FFAR4: variants seen among roughly 807,000 people sequenced by gnomAD.
The protein encoded by FFAR4 is free fatty acid receptor 4.
A neutral mutation model predicts 27.0 loss-of-function variants in FFAR4; 19 were observed. The ratio of observed to expected loss-of-function variants is 0.70; its 90% CI spans 0.49 to 1.03. FFAR4 has a LOEUF of 1.03. FFAR4 is among the 50% of genes least tolerant of loss of function. The pLI is 0.00. For missense variants in FFAR4, 476 were observed against 479.0 expected (o/e 0.99, Z 0.06); for synonymous variants, 254 against 215.6 (o/e 1.18, Z -1.56).
chr10:93,588,445 T>A lies in FFAR4; in HGVS notation c.*836T>A, dbSNP rs1042543515. 1.3e-5 allele frequency: 2 copies of A among 151,752 alleles called. No individual in the cohort carries two copies. The highest frequency in any genetic ancestry group is 3.9e-4 in the East Asian group (2 of 5,162). 9.4% of individuals were successfully genotyped at this position (151,752 alleles called of 1,614,324 possible). ...AATGCTATGGACCCTTTTAAGAGAA[T>A]CGGCATCATGAAATGAGAGAGAAAG... On this transcript the variant is annotated 3_prime_UTR_variant, in exon 3 of 3. Coordinates refer to ENST00000371481, the MANE Select transcript of FFAR4 (RefSeq NM_001195755.2).
At chr10:93,581,802 C>T (rs1430825381) in intron 2 of FFAR4, among the ~76,000 whole-genome samples, 1 of 152,200 alleles carries the variant, frequency 6.6e-6, no homozygotes, top group East Asian at 1.9e-4. Flanking sequence ...TGCATGTCAT[C>T]ATGTACTCGG....
intron 2 of FFAR4, among the ~76,000 whole-genome samples, chr10:93,582,269 G>C (rs2058202104): frequency 6.6e-6 from 1 of 152,034 alleles, no homozygotes; most frequent in African/African-American, 2.4e-5. Flanking sequence ...TCCAGGCCAG[G>C]TGCGGTGGCT....
intron 2 of FFAR4, among the ~76,000 whole-genome samples, chr10:93,578,281 G>A (rs1383615931): frequency 1.3e-5 from 2 of 152,114 alleles, no homozygotes; most frequent in East Asian, 3.9e-4. Context: ...GCCGGGCGTA[G>A]TGGTGGGCGT....
At position 93,567,274 on chromosome 10, in the gene FFAR4, C is replaced by G. The variant is rs1219203267; in HGVS notation, c.554C>G (p.Pro185Arg). The G allele has an allele frequency of 6.3e-7, 1 of 1,598,906 alleles. No individual in the cohort carries two copies. The highest frequency in any genetic ancestry group is 1.1e-5 in the South Asian group (1 of 90,908). The change falls in exon 1 of 3, where the codon CCC becomes CGC. Residue 185 changes from proline to arginine, a missense_variant. Physicochemically the swap from Pro to Arg is moderately radical, Grantham distance 103. Coordinates refer to ENST00000371481, the MANE Select transcript of FFAR4 (RefSeq NM_001195755.2). Reference protein sequence around the residue: ...VFFRVVPQRLPGADQEISICT... With the variant: ...VFFRVVPQRLRGADQEISICT... ...TTCCGAGTCGTCCCGCAACGGCTCC[C>G]CGGCGCCGACCAGGTGAGCGCCCCT...
chr10:93,581,252 C>T (rs1230835075), intron 2 of FFAR4, among the ~76,000 whole-genome samples: 5 of 152,240 alleles, frequency 3.3e-5, no homozygotes, highest in African/African-American at 1.2e-4. Flanking sequence ...GAAACAAAAT[C>T]TGTTTCCGCT....
rs961015299 is a variant in FFAR4, at chr10:93,587,881, T to C, written c.*272T>C. 6.2e-6 allele frequency: 2 copies of C among 321,046 alleles called. No homozygotes were observed. Among genetic ancestry groups the C allele is most frequent in the Non-Finnish European group, 1.2e-5 (2 of 170,710 alleles). The allele number at this position is 321,046 out of a possible 1,614,324, so 19.9% of individuals were successfully genotyped here. On this transcript the variant is annotated 3_prime_UTR_variant, in exon 3 of 3. Coordinates refer to ENST00000371481, the MANE Select transcript of FFAR4 (RefSeq NM_001195755.2). ...TGGGTGGATCACCTGAGGTCAGGAG[T>C]TCGAGACCAACCTGACCAACATGGT...
intron 2 of FFAR4, among the ~76,000 whole-genome samples, chr10:93,581,916 A>G (rs541067194): frequency 6.6e-6 from 1 of 152,230 alleles, no homozygotes; most frequent in Admixed American, 6.5e-5. Flanking sequence ...CCCCTACTTG[A>G]CTGTGAGGCT....
At chr10:93,573,746 C>A (rs992467116) in intron 1 of FFAR4, among the ~76,000 whole-genome samples, 1 of 152,136 alleles carries the variant, frequency 6.6e-6, no homozygotes, top group East Asian at 1.9e-4. Flanking sequence ...CTGCCCTGAG[C>A]AAGAGCCACA....
chr10:93,573,616 CA>C (rs1444912711), intron 1 of FFAR4, among the ~76,000 whole-genome samples: 1 of 152,198 alleles, frequency 6.6e-6, no homozygotes, highest in Non-Finnish European at 1.5e-5. Context: ...CAATACCATA[CA>C]AAACCTTCTA....
intron 1 of FFAR4, 94 bp downstream of exon 1, chr10:93,567,381 C>T (rs972379939): frequency 6.4e-6 from 7 of 1,092,836 alleles, no homozygotes; most frequent in Non-Finnish European, 9.1e-6. Flanking sequence ...TCAAGAACAA[C>T]AATAGCCATT....
In FFAR4 at chr10:93,579,297, G is replaced by A. The variant is rs544121022; in HGVS notation, c.696+3078G>A. On this transcript the variant is annotated intron_variant, in intron 2 of 2. Coordinates refer to ENST00000371481, the MANE Select transcript of FFAR4 (RefSeq NM_001195755.2). ...TCACCTTAAGGCCCTGTGTGGTCTG[G>A]CCCCGCTGCCGTTCTCACCTTCATA... is the stretch of plus-strand genomic sequence containing the variant. The A allele has an allele frequency of 7.0e-4, 787 of 1,118,606 alleles. 5 individuals are homozygous for A. The African/African-American group carries it at 9.0e-3, about 13-fold the overall frequency. 69.3% of individuals were successfully genotyped at this position (1,118,606 alleles called of 1,614,324 possible). A position where few individuals can be genotyped will look rare whatever the true frequency, so the allele number is the denominator to read the frequency against.
intron 1 of FFAR4, among the ~76,000 whole-genome samples, chr10:93,574,570 C>CCAG (rs1395222819): frequency 1.3e-5 from 2 of 152,090 alleles, no homozygotes; most frequent in Non-Finnish European, 2.9e-5. Context: ...AGCCTCACTG[C>CCAG]CAGTAATCAG....
At chr10:93,580,346 C>T (rs959868958) in intron 2 of FFAR4, among the ~76,000 whole-genome samples, 1 of 152,216 alleles carries the variant, frequency 6.6e-6, no homozygotes, top group Non-Finnish European at 1.5e-5. Context: ...CACTTCTCAC[C>T]TGTCACTAGT....
Position 93,576,150 on chromosome 10 carries a change from C to G in FFAR4, c.627C>G (p.Val209=), listed in dbSNP as rs1339352176. Residue 209 remains valine, a synonymous_variant, in exon 2 of 3, where the codon GTC becomes GTG. Coordinates refer to ENST00000371481, the MANE Select transcript of FFAR4 (RefSeq NM_001195755.2). ...TTCCTGGAGAGATCTCGTGGGATGT[C>G]TCTTTTGTTACTTTGAACTTCTTGG... is the stretch of plus-strand genomic sequence containing the variant. ...PTIPGEISWD[V]SFVTLNFLVP... 8 of 1,613,942 alleles carry G rather than the reference C, an allele frequency of 5.0e-6. No homozygotes were observed. The highest frequency in any genetic ancestry group is 6.8e-6 in the Non-Finnish European group (8 of 1,179,806).
chr10:93,569,231 T>G (rs1196173740), intron 1 of FFAR4, among the ~76,000 whole-genome samples: 1 of 152,252 alleles, frequency 6.6e-6, no homozygotes, highest in South Asian at 2.1e-4. Flanking sequence ...AGATAGAATG[T>G]ATCTTGAAGG....
Position 93,576,212 on chromosome 10 carries a change from T to C in FFAR4, c.689T>C (p.Ile230Thr), listed in dbSNP as rs766246101. The change falls in exon 2 of 3, where the codon ATT becomes ACT. Residue 230 changes from isoleucine to threonine, a missense_variant. Ile to Thr is a moderately conservative substitution (Grantham distance 89). Transcript: ENST00000371481. The stretch of plus-strand genomic sequence containing the variant: ...GTCATTGTGATCAGTTACTCCAAAA[T>C]TTTACAGGTATGTTTTCTGCAAGTG... Reference protein sequence around the residue: ...GLVIVISYSKILQITKASRKR... With the variant: ...GLVIVISYSKTLQITKASRKR... 6.2e-7 allele frequency: 1 copy of C among 1,614,062 alleles called. No homozygotes were observed.
intron 1 of FFAR4, among the ~76,000 whole-genome samples, chr10:93,569,760 T>TAA (rs112928164): frequency 2.1e-5 from 3 of 140,776 alleles, no homozygotes; most frequent in African/African-American, 7.8e-5. Context: ...AGCTTGAAAT[T>TAA]AAAAAAAAAA....
chr10:93,567,102 A>T lies in FFAR4; in HGVS notation c.382A>T (p.Thr128Ser). The T allele has an allele frequency of 6.2e-7, 1 of 1,608,442 alleles. No homozygotes were observed. Among genetic ancestry groups the T allele is most frequent in the Middle Eastern group, 1.7e-4 (1 of 6,050 alleles). The change falls in exon 1 of 3, where the codon ACG becomes TCG. Residue 128 changes from threonine (T) to serine (S), a missense_variant. Thr to Ser is a moderately conservative substitution (Grantham distance 58). Transcript: ENST00000371481. ...CCTGAGCGGCAGCGTCACCATCCTC[A>T]CGCTGGCCGCGGTCAGCCTGGAGCG... ...MTLSGSVTIL[T>S]LAAVSLERMV...
chr10:93,567,635 A>T (rs2058106906), intron 1 of FFAR4, among the ~76,000 whole-genome samples: 1 of 152,198 alleles, frequency 6.6e-6, no homozygotes, highest in Non-Finnish European at 1.5e-5. Flanking sequence ...CAGGTGCTAC[A>T]ATACTGTTAT....
Sources: gnomAD v4.1 joint callset for allele counts (sites outside exome capture counted in the v4.1 genomes callset) on GRCh38, gnomAD v4.1.1 for gene constraint, MANE v1.5 for transcripts, NCBI Gene and HGNC (gene_info 2026-07-23, HGNC 2026-07-21) for gene names.